RBMS3: variants seen among roughly 807,000 people sequenced by gnomAD.
RBMS3 encodes the protein RNA binding motif single stranded interacting protein 3, also known as RNA-binding motif, single-stranded-interacting protein 3.
RBMS3 carries 27 observed loss-of-function variants against 66.8 expected under a neutral mutation model. The observed-to-expected ratio is 0.40, with a 90% CI of 0.30 to 0.56. The LOEUF (loss-of-function observed/expected upper bound fraction) is 0.56. RBMS3 is among the 20% of genes least tolerant of loss of function. The pLI is 0.40. For missense variants in RBMS3, 513 were observed against 549.5 expected (o/e 0.93, Z 0.66); for synonymous variants, 188 against 183.0 (o/e 1.03, Z -0.22).
At chr3:29,894,272 G>A (rs1393314133) in intron 8 of RBMS3, among the ~76,000 whole-genome samples, 1 of 151,568 alleles carries the variant, frequency 6.6e-6, no homozygotes, top group Non-Finnish European at 1.5e-5. Context: ...AGGCTGGAGT[G>A]CAGTAGCACA....
chr3:29,295,273 TTATA>T lies in RBMS3; in HGVS notation c.75+13536_75+13539del, dbSNP rs370586837. Among the ~76,000 whole-genome samples, 415 of 51,346 alleles carry T rather than the reference TTATA, an allele frequency of 8.1e-3. 7 individuals are homozygous for T. The highest frequency in any genetic ancestry group is 0.038 in the South Asian group (78 of 2,058). The allele number at this position is 51,346 out of a possible 152,430, so 33.7% of individuals were successfully genotyped here. On this transcript the variant is annotated intron_variant, in intron 1 of 14. Coordinates refer to ENST00000383767, the MANE Select transcript of RBMS3 (RefSeq NM_001003793.3). Reference sequence around the variant, plus strand: ...GGTCCTTATTCCCAATTGCAGAAAATTATATATATATATATATATATACATATAT... The same window carrying T: ...GGTCCTTATTCCCAATTGCAGAAAATTATATATATATATATATACATATAT...
chr3:29,535,378 A>G (rs752322956), intron 3 of RBMS3, among the ~76,000 whole-genome samples: 8 of 152,164 alleles, frequency 5.3e-5, no homozygotes, highest in Non-Finnish European at 1.0e-4. Context: ...ATCATTTCCC[A>G]TTAAAAGTTT....
chr3:29,745,351 T>C (rs9883733), intron 5 of RBMS3, among the ~76,000 whole-genome samples: 3,982 of 152,252 alleles, frequency 0.026, 166 homozygotes, highest in African/African-American at 0.09. Context: ...CCGAAGTTTA[T>C]GGTGGGAATG....
At chr3:29,544,805 T>C (rs1209861872) in intron 3 of RBMS3, among the ~76,000 whole-genome samples, 1 of 152,104 alleles carries the variant, frequency 6.6e-6, no homozygotes, top group Non-Finnish European at 1.5e-5. Flanking sequence ...GGTGTGGCTG[T>C]ATTCCAATAA....
chr3:29,475,466 T>A (rs2042911576), intron 2 of RBMS3, among the ~76,000 whole-genome samples: 1 of 152,078 alleles, frequency 6.6e-6, no homozygotes, highest in Non-Finnish European at 1.5e-5. Flanking sequence ...CTCAGGCTGG[T>A]CACGAACCCT....
intron 3 of RBMS3, among the ~76,000 whole-genome samples, chr3:29,506,373 A>T (rs964470873): frequency 2.6e-5 from 4 of 152,010 alleles, no homozygotes; most frequent in African/African-American, 9.7e-5. Context: ...AAGGTGATTT[A>T]TCATATTTAT....
chr3:29,929,433 T>C (rs1352835679), intron 10 of RBMS3, among the ~76,000 whole-genome samples: 1 of 152,214 alleles, frequency 6.6e-6, no homozygotes, highest in East Asian at 1.9e-4. Flanking sequence ...TACTTTATAT[T>C]CTCATTCAAA....
chr3:29,473,984 G>T (rs145537293), intron 2 of RBMS3, among the ~76,000 whole-genome samples: 1 of 152,244 alleles, frequency 6.6e-6, no homozygotes, highest in African/African-American at 2.4e-5. Context: ...CTCCTCAAGC[G>T]CCACCAAAGT....
intron 2 of RBMS3, among the ~76,000 whole-genome samples, chr3:29,482,701 CTTTTTTTTTT>C (rs755520785): frequency 2.6e-5 from 2 of 77,512 alleles, no homozygotes; most frequent in African/African-American, 1.0e-4. Flanking sequence ...TTCTTTCTTT[CTTTTTTTTTT>C]TTTTTTTTTT....
chr3:29,951,564 T>C (rs1015695269), intron 12 of RBMS3, among the ~76,000 whole-genome samples: 21 of 151,722 alleles, frequency 1.4e-4, no homozygotes, highest in Non-Finnish European at 3.1e-4. Context: ...AGGGCGTGAC[T>C]CATGATCGAT....
intron 6 of RBMS3, among the ~76,000 whole-genome samples, chr3:29,852,533 A>C (rs866808360): frequency 1.7e-4 from 26 of 152,216 alleles, no homozygotes; most frequent in African/African-American, 5.3e-4. Flanking sequence ...GAAGACATAC[A>C]TCTAGCCAAT....
intron 1 of RBMS3, among the ~76,000 whole-genome samples, chr3:29,399,390 A>T (rs1372337222): frequency 6.6e-6 from 1 of 152,204 alleles, no homozygotes; most frequent in Non-Finnish European, 1.5e-5. Flanking sequence ...GAGCATTGTG[A>T]TTAACAAATA....
At chr3:29,333,794 A>G (rs2035799647) in intron 1 of RBMS3, among the ~76,000 whole-genome samples, 1 of 152,222 alleles carries the variant, frequency 6.6e-6, no homozygotes, top group Admixed American at 6.5e-5. Context: ...TTTTCTTAGT[A>G]GGATTAGGCT....
At chr3:29,441,705 G>A (rs887485686) in intron 2 of RBMS3, among the ~76,000 whole-genome samples, 1 of 152,152 alleles carries the variant, frequency 6.6e-6, no homozygotes, top group Admixed American at 6.5e-5. Flanking sequence ...GACCTCAAGT[G>A]TTCTGATTTA....
At chr3:29,375,013 C>T (rs769394917) in intron 1 of RBMS3, among the ~76,000 whole-genome samples, 4 of 152,148 alleles carry the variant, frequency 2.6e-5, no homozygotes, top group Non-Finnish European at 5.9e-5. Context: ...AGAACAGAAA[C>T]ATAGACCAAT....
chr3:29,723,562 C>G (rs1013978157), intron 4 of RBMS3, among the ~76,000 whole-genome samples: 41 of 148,078 alleles, frequency 2.8e-4, no homozygotes, highest in Non-Finnish European at 3.1e-4. Context: ...CATTTATGCA[C>G]TAGTTGCATT....
intron 1 of RBMS3, among the ~76,000 whole-genome samples, chr3:29,355,304 A>G (rs2037155065): frequency 1.3e-5 from 2 of 152,212 alleles, no homozygotes; most frequent in South Asian, 4.1e-4. Context: ...CTTTTCATAT[A>G]TCTTCCTGAT....
intron 5 of RBMS3, among the ~76,000 whole-genome samples, chr3:29,746,297 G>A (rs2054888693): frequency 6.6e-6 from 1 of 152,024 alleles, no homozygotes; most frequent in South Asian, 2.1e-4. Context: ...CGCTATTTTG[G>A]CAATCCTTTT....
intron 3 of RBMS3, among the ~76,000 whole-genome samples, chr3:29,503,081 T>G (rs1227719729): frequency 6.6e-6 from 1 of 152,102 alleles, no homozygotes; most frequent in Non-Finnish European, 1.5e-5. Flanking sequence ...TGTTTGGGGG[T>G]CATTATCTTC....
Sources: gnomAD v4.1 joint callset for allele counts (sites outside exome capture counted in the v4.1 genomes callset) on GRCh38, gnomAD v4.1.1 for gene constraint, MANE v1.5 for transcripts, NCBI Gene and HGNC (gene_info 2026-07-23, HGNC 2026-07-21) for gene names.